ANO3: variants seen among roughly 807,000 people sequenced by gnomAD.
The protein encoded by ANO3 is anoctamin 3, also known as anoctamin-3.
Under a neutral mutation model 144.8 loss-of-function variants are expected in ANO3, and 99 were observed. The ratio of observed to expected loss-of-function variants is 0.68; its 90% CI spans 0.58 to 0.81. The LOEUF (loss-of-function observed/expected upper bound fraction) is 0.81, where lower values mean the gene tolerates loss of function less well. ANO3 is among the 30% of genes least tolerant of loss of function. The pLI, the probability that ANO3 is intolerant of heterozygous loss-of-function variation, is 0.00. For missense variants in ANO3, 905 were observed against 1,202.2 expected, an observed-to-expected ratio of 0.75 and a Z score of 3.66; for synonymous variants, 414 against 392.6, an observed-to-expected ratio of 1.05 and a Z score of -0.64.
chr11:26,653,726 C>T (rs1287233294), intron 24 of ANO3, among the ~76,000 whole-genome samples: 1 of 151,912 alleles, frequency 6.6e-6, no homozygotes, highest in African/African-American at 2.4e-5. Flanking sequence ...CCCCAGATAC[C>T]CTCACGGCTG....
intron 1 of ANO3, among the ~76,000 whole-genome samples, chr11:26,427,758 T>G (rs7115101): frequency 0.63 from 94,902 of 151,524 alleles, 32,179 homozygotes; most frequent in Admixed American, 0.78. Context: ...AGAAAAGAGG[T>G]TTAATTGACT....
At chr11:26,312,260 T>C (rs1462868421) in intron 1 of ANO3, among the ~76,000 whole-genome samples, 1 of 152,274 alleles carries the variant, frequency 6.6e-6, no homozygotes, top group Non-Finnish European at 1.5e-5. Flanking sequence ...GACATTTGGG[T>C]TGGTTCCAAG....
chr11:26,235,885 C>T (rs748346333), intron 1 of ANO3, among the ~76,000 whole-genome samples: 5 of 152,110 alleles, frequency 3.3e-5, no homozygotes, highest in African/African-American at 4.8e-5. Flanking sequence ...ACTCCTCTCC[C>T]TCCATTCTAT....
chr11:26,298,364 G>A (rs1259889765), intron 1 of ANO3, among the ~76,000 whole-genome samples: 1 of 152,084 alleles, frequency 6.6e-6, no homozygotes, highest in African/African-American at 2.4e-5. Context: ...AATTTTTCCT[G>A]TATATTTTAA....
intron 1 of ANO3, among the ~76,000 whole-genome samples, chr11:26,354,236 T>C (rs1417351201): frequency 1.3e-5 from 2 of 152,170 alleles, no homozygotes; most frequent in Admixed American, 1.3e-4. Context: ...TCTGGATATC[T>C]ACTATGACAT....
At position 26,441,106 on chromosome 11, in the gene ANO3, G is replaced by GTTTTTTT. The variant is rs1022676698; in HGVS notation, c.47-789_47-783dup. Among the ~76,000 whole-genome samples, 187 of 86,544 alleles carry GTTTTTTT rather than the reference G, an allele frequency of 2.2e-3. 16 individuals carry two copies. The highest frequency in any genetic ancestry group is 5.7e-3 in the African/African-American group (117 of 20,416). The allele number at this position is 86,544 out of a possible 152,430, so 56.8% of individuals were successfully genotyped here. A position where few individuals can be genotyped will look rare whatever the true frequency, so the allele number is the denominator to read the frequency against. Reference sequence around the variant, plus strand: ...TGTCTTGATCCCTGCTTGCTGCCCAGTTTTTTTTTTTTTTTTTTTTTTTTT... The same window carrying GTTTTTTT: ...TGTCTTGATCCCTGCTTGCTGCCCAGTTTTTTTTTTTTTTTTTTTTTTTTTTTTTTTT... On this transcript the variant is annotated intron_variant, in intron 1 of 26. Transcript: ENST00000256737.
At chr11:26,650,884 G>A (rs1190754823) in intron 24 of ANO3, among the ~76,000 whole-genome samples, 1 of 152,168 alleles carries the variant, frequency 6.6e-6, no homozygotes, top group Non-Finnish European at 1.5e-5. Context: ...GACAAACTAT[G>A]ATTATTCAGA....
At position 26,660,429 on chromosome 11, in the gene ANO3, C is replaced by T; in HGVS notation, c.2931C>T (p.His977=). 6.2e-7 allele frequency: 1 copy of T among 1,612,116 alleles called. No individual in the cohort carries two copies. The highest frequency in any genetic ancestry group is 8.5e-7 in the Non-Finnish European group (1 of 1,179,142). ...QQRRKSGQPV[H]HEWP is the part of the protein sequence containing the mutation. ...GGAGAAAAAGTGGTCAGCCTGTTCA[C>T]CATGAATGGCCTTAGTTGACACCTG... Residue 977 remains histidine, a synonymous_variant, in exon 27 of 27, where the codon CAC becomes CAT. Coordinates refer to ENST00000256737, the MANE Select transcript of ANO3 (RefSeq NM_031418.4).
At position 26,259,563 on chromosome 11, in the gene ANO3, G is replaced by A. The variant is rs1199041374; in HGVS notation, c.155-50082G>A. Among the ~76,000 whole-genome samples, 11 of 127,764 alleles carry A rather than the reference G, an allele frequency of 8.6e-5. No individual in the cohort carries two copies. The East Asian group carries it at 2.0e-3, about 23-fold the overall frequency. The allele number at this position is 127,764 out of a possible 152,430, so 83.8% of individuals were successfully genotyped here. A position where few individuals can be genotyped will look rare whatever the true frequency, so the allele number is the denominator to read the frequency against. On this transcript the variant is annotated intron_variant, in intron 1 of 27. Transcript: ENST00000672621. ...CTTGGGAGGCTGAGGCAGGAGAATCGCTTGAACGTGGGGGTGGGGGTGGGG... is the reference window on the plus strand; with the variant it reads ...CTTGGGAGGCTGAGGCAGGAGAATCACTTGAACGTGGGGGTGGGGGTGGGG...
intron 1 of ANO3, among the ~76,000 whole-genome samples, chr11:26,239,390 G>T (rs1446527690): frequency 6.6e-6 from 1 of 151,986 alleles, no homozygotes; most frequent in Middle Eastern, 3.2e-3. Context: ...GATCATAACT[G>T]TGGTTCAAAG....
chr11:26,309,679 T>A, exon 1 of ANO3: 1 of 985,368 alleles, frequency 1.0e-6, no homozygotes, highest in Non-Finnish European at 1.2e-6. Context: ...ATCGTGAGCT[T>A]GAGAAGAGTG....
intron 1 of ANO3, among the ~76,000 whole-genome samples, chr11:26,247,468 G>A (rs1423085624): frequency 6.6e-6 from 1 of 152,066 alleles, no homozygotes; most frequent in East Asian, 1.9e-4. Flanking sequence ...TACCAAAAGG[G>A]GAACATGCTT....
In ANO3 at chr11:26,604,922, G is replaced by A. The variant is rs568378366; in HGVS notation, c.1836+5208G>A. On this transcript the variant is annotated intron_variant, in intron 17 of 26. Coordinates refer to ENST00000256737, the MANE Select transcript of ANO3 (RefSeq NM_031418.4). ...TACCCTTTGTTTCATTGTTTTGCCT[G>A]ATCGCCCTGCCCAGAACTTGCAATA... Among the ~76,000 whole-genome samples, 4 of 152,200 alleles carry A rather than the reference G, an allele frequency of 2.6e-5. No individual in the cohort carries two copies. In the East Asian group the frequency reaches 7.7e-4, roughly 29 times the overall value.
intron 1 of ANO3, among the ~76,000 whole-genome samples, chr11:26,428,337 G>T (rs546420520): frequency 1.9e-4 from 29 of 152,206 alleles, no homozygotes; most frequent in African/African-American, 7.0e-4. Flanking sequence ...ATTTAGATTG[G>T]TCAACTCCGA....
At chr11:26,196,250 A>G (rs1041353595) in intron 1 of ANO3, among the ~76,000 whole-genome samples, 1 of 152,188 alleles carries the variant, frequency 6.6e-6, no homozygotes, top group African/African-American at 2.4e-5. Flanking sequence ...CATCTTTAGT[A>G]ATATAAGAAT....
intron 14 of ANO3, among the ~76,000 whole-genome samples, chr11:26,589,745 G>A (rs182445824): frequency 2.0e-5 from 3 of 152,232 alleles, no homozygotes; most frequent in Non-Finnish European, 2.9e-5. Context: ...CTTCCTGTCC[G>A]GCTCCTCTCA....
chr11:26,642,116 A>C, intron 22 of ANO3, 87 bp downstream of exon 22: 4 of 1,454,520 alleles, frequency 2.8e-6, no homozygotes, highest in Middle Eastern at 2.0e-4. Flanking sequence ...AGAGAAAATT[A>C]TCTCTTTCCT....
intron 14 of ANO3, among the ~76,000 whole-genome samples, chr11:26,564,715 A>G (rs1850455767): frequency 1.2e-5 from 1 of 80,744 alleles, no homozygotes; most frequent in Admixed American, 1.7e-4. Context: ...ACACACACAC[A>G]CACACACACA....
chr11:26,318,068 T>C (rs112347627), intron 1 of ANO3, among the ~76,000 whole-genome samples: 4 of 151,212 alleles, frequency 2.6e-5, no homozygotes, highest in African/African-American at 9.7e-5. Flanking sequence ...TGAGAACACA[T>C]GGACACAGGG....
Sources: allele counts gnomAD v4.1 joint callset (sites outside exome capture counted in the v4.1 genomes callset), GRCh38; gene constraint gnomAD v4.1.1; transcripts MANE v1.5; gene names NCBI Gene and HGNC (gene_info 2026-07-23, HGNC 2026-07-21).